The following ARHGAP24 variants were observed in gnomAD, a reference collection of about 807,000 sequenced individuals.
ARHGAP24 encodes rho GTPase-activating protein 24.
Under a neutral mutation model 76.4 loss-of-function variants are expected in ARHGAP24, and 50 were observed. That is an observed-to-expected ratio of 0.65 (90% CI 0.52 to 0.83). ARHGAP24 has a LOEUF of 0.83. ARHGAP24 is among the 40% of genes least tolerant of loss of function. The pLI, the probability that ARHGAP24 is intolerant of heterozygous loss-of-function variation, is 0.00. For synonymous variants in ARHGAP24, 345 were observed against 323.3 expected, an observed-to-expected ratio of 1.07 and a Z score of -0.72; for missense variants, 930 against 914.2, an observed-to-expected ratio of 1.02 and a Z score of -0.22.
intron 4 of ARHGAP24, among the ~76,000 whole-genome samples, chr4:85,936,817 G>T (rs1169982316): frequency 6.6e-6 from 1 of 152,060 alleles, no homozygotes; most frequent in Non-Finnish European, 1.5e-5. Flanking sequence ...ACAAAGGCAG[G>T]ACCTACCTTC....
At chr4:85,997,632 C>CTAACTTTTTA (rs1317145510) in intron 9 of ARHGAP24, among the ~76,000 whole-genome samples, 152 of 151,756 alleles carry the variant, frequency 1.0e-3, no homozygotes, top group Non-Finnish European at 1.3e-3. Flanking sequence ...AAATTGGTTT[C>CTAACTTTTTA]TAACTTTTTC....
At chr4:85,843,598 A>G (rs758033367) in intron 3 of ARHGAP24, among the ~76,000 whole-genome samples, 1 of 152,120 alleles carries the variant, frequency 6.6e-6, no homozygotes, top group Non-Finnish European at 1.5e-5. Context: ...GTTGATTGTC[A>G]GGAATCAACA....
At chr4:85,707,829 T>A (rs1189363063) in intron 2 of ARHGAP24, among the ~76,000 whole-genome samples, 1 of 152,160 alleles carries the variant, frequency 6.6e-6, no homozygotes, top group Non-Finnish European at 1.5e-5. Context: ...AGCATGACTA[T>A]TGCACCCTGA....
intron 2 of ARHGAP24, among the ~76,000 whole-genome samples, chr4:85,586,698 G>A (rs554241662): frequency 4.6e-4 from 70 of 152,190 alleles, no homozygotes; most frequent in African/African-American, 1.6e-3. Context: ...AGGAGCTGGA[G>A]ACCAGCCTGG....
At chr4:85,674,243 A>T (rs2110004161) in intron 2 of ARHGAP24, among the ~76,000 whole-genome samples, 1 of 152,284 alleles carries the variant, frequency 6.6e-6, no homozygotes, top group Non-Finnish European at 1.5e-5. Context: ...TTTAAGAACC[A>T]CTGCCATAGC....
At chr4:85,541,897 A>C (rs1725720970) in intron 1 of ARHGAP24, among the ~76,000 whole-genome samples, 1 of 152,026 alleles carries the variant, frequency 6.6e-6, no homozygotes, top group East Asian at 1.9e-4. Flanking sequence ...GGCCTGACCT[A>C]GTACACTATT....
intron 2 of ARHGAP24, among the ~76,000 whole-genome samples, chr4:85,672,222 T>A (rs1227387993): frequency 6.6e-6 from 1 of 152,180 alleles, no homozygotes; most frequent in Non-Finnish European, 1.5e-5. Flanking sequence ...GGAGTTGGAA[T>A]GAACTAGGGA....
intron 1 of ARHGAP24, among the ~76,000 whole-genome samples, chr4:85,544,280 C>T (rs887230120): frequency 7.9e-5 from 12 of 152,016 alleles, no homozygotes; most frequent in Non-Finnish European, 2.9e-5. Flanking sequence ...AGAGTATTTC[C>T]TCAATGATTT....
chr4:85,641,941 T>C lies in ARHGAP24; in HGVS notation c.180+71220T>C, dbSNP rs28556771. 2.6e-3 allele frequency among the ~76,000 whole-genome samples: 393 copies of C among 152,220 alleles called. 1 individual carries two copies. Among genetic ancestry groups the C allele is most frequent in the African/African-American group, 8.9e-3 (370 of 41,548 alleles). ...GATTGATAACCATGTAGAAATTTGA[T>C]TGGACAAGAAGGGCGTGATCTAATA... On this transcript the variant is annotated intron_variant, in intron 2 of 9. Coordinates refer to ENST00000395184, the MANE Select transcript of ARHGAP24 (RefSeq NM_001025616.3).
intron 8 of ARHGAP24, among the ~76,000 whole-genome samples, chr4:85,989,410 A>G (rs369095638): frequency 1.3e-5 from 2 of 151,702 alleles, no homozygotes; most frequent in East Asian, 3.9e-4. Flanking sequence ...TCCCACAAAA[A>G]CAAAAACACC....
At chr4:85,940,374 A>G (rs1363785102) in intron 4 of ARHGAP24, among the ~76,000 whole-genome samples, 2 of 151,930 alleles carry the variant, frequency 1.3e-5, no homozygotes, top group Admixed American at 1.3e-4. Flanking sequence ...AGCCAGTATC[A>G]TGCCCAAGTT....
intron 3 of ARHGAP24, among the ~76,000 whole-genome samples, chr4:85,784,945 ATCTATCTATCTATCTCTCTATCTC>A (rs1560631953): frequency 1.5e-5 from 2 of 135,588 alleles, no homozygotes; most frequent in African/African-American, 5.4e-5. Flanking sequence ...CTATCTATCT[ATCTATCTATCTATCTCTCTATCTC>A]TCTATCTGCT....
At position 85,738,766 on chromosome 4, in the gene ARHGAP24, A is replaced by G. The variant is rs745518701; in HGVS notation, c.268+16794A>G. Among the ~76,000 whole-genome samples the G allele has an allele frequency of 6.7e-4, 102 of 152,234 alleles. 1 individual carries two copies. Among genetic ancestry groups the G allele is most frequent in the Non-Finnish European group, 1.3e-3 (88 of 68,020 alleles). On this transcript the variant is annotated intron_variant, in intron 3 of 9. Transcript: ENST00000395184. Reference sequence around the variant, plus strand: ...AAAGGAATCTAACTTCATTTTTTGCATGTGGATTGTCTAGTTTTTCCAGCA... The same window carrying G: ...AAAGGAATCTAACTTCATTTTTTGCGTGTGGATTGTCTAGTTTTTCCAGCA...
At chr4:85,513,274 G>C (rs1428068274) in intron 1 of ARHGAP24, among the ~76,000 whole-genome samples, 1 of 152,158 alleles carries the variant, frequency 6.6e-6, no homozygotes, top group East Asian at 1.9e-4. Context: ...ACCTGGGGTG[G>C]GGAAGAAACA....
At chr4:85,933,767 G>A (rs1443036962) in intron 4 of ARHGAP24, among the ~76,000 whole-genome samples, 5 of 152,144 alleles carry the variant, frequency 3.3e-5, no homozygotes, top group African/African-American at 4.8e-5. Flanking sequence ...GAGCACTTGG[G>A]TCTAGTCGTA....
chr4:85,827,449 C>T (rs1182476084), intron 3 of ARHGAP24, among the ~76,000 whole-genome samples: 2 of 135,080 alleles, frequency 1.5e-5, no homozygotes, highest in East Asian at 2.1e-4. Context: ...AATAGCTACA[C>T]TGAAGTCTGC....
At chr4:85,665,762 C>T (rs1198037042) in intron 2 of ARHGAP24, among the ~76,000 whole-genome samples, 1 of 152,128 alleles carries the variant, frequency 6.6e-6, no homozygotes, top group Admixed American at 6.5e-5. Flanking sequence ...TTTTATTTCT[C>T]CTTCACTTAT....
At chr4:85,962,944 A>G (rs1738349416) in intron 5 of ARHGAP24, among the ~76,000 whole-genome samples, 1 of 151,752 alleles carries the variant, frequency 6.6e-6, no homozygotes. Context: ...TTTTTTTTTC[A>G]TACCATAAAA....
At position 85,662,799 on chromosome 4, in the gene ARHGAP24, C is replaced by G. The variant is rs553118101; in HGVS notation, c.181-59086C>G. Among the ~76,000 whole-genome samples the G allele has an allele frequency of 1.9e-3, 287 of 152,232 alleles. 1 individual carries two copies. The highest frequency in any genetic ancestry group is 3.8e-3 in the African/African-American group (159 of 41,506). On this transcript the variant is annotated intron_variant, in intron 2 of 9. Coordinates refer to ENST00000395184, the MANE Select transcript of ARHGAP24 (RefSeq NM_001025616.3). ...AATCCTCTCCCCATTGCTTGTTTTT[C>G]TCAGGTTTGTCAAAGATCAGATAGT...
Sources: gnomAD v4.1 joint callset for allele counts (sites outside exome capture counted in the v4.1 genomes callset) on GRCh38, gnomAD v4.1.1 for gene constraint, MANE v1.5 for transcripts, NCBI Gene and HGNC (gene_info 2026-07-23, HGNC 2026-07-21) for gene names.